ZC3H7A: variants seen among roughly 807,000 people sequenced by gnomAD.
The protein encoded by ZC3H7A is zinc finger CCCH domain-containing protein 7A.
Under a neutral mutation model 125.5 loss-of-function variants are expected in ZC3H7A, and 44 were observed. The observed-to-expected ratio is 0.35, with a 90% CI of 0.28 to 0.45. The LOEUF (loss-of-function observed/expected upper bound fraction) is 0.45, where lower values mean the gene tolerates loss of function less well. Ranked by LOEUF, ZC3H7A falls within the 20% of genes least tolerant of loss-of-function variation. ZC3H7A has a pLI of 1.00. For missense variants in ZC3H7A, 977 were observed against 1,170.7 expected, an observed-to-expected ratio of 0.83 and a Z score of 2.41; for synonymous variants, 399 against 391.2, an observed-to-expected ratio of 1.02 and a Z score of -0.23.
intron 1 of ZC3H7A, among the ~76,000 whole-genome samples, chr16:11,785,507 A>G (rs955794195): frequency 5.9e-5 from 9 of 152,096 alleles, no homozygotes; most frequent in African/African-American, 2.2e-4. Flanking sequence ...CCCTGTCTCA[A>G]AAATAATATT....
intron 19 of ZC3H7A, 46 bp from the exon 20 acceptor site, chr16:11,758,585 A>G: frequency 2.2e-6 from 3 of 1,374,098 alleles, no homozygotes; most frequent in Non-Finnish European, 3.1e-6. Context: ...TACACCTAGT[A>G]AAACGGCCTA....
chr16:11,775,372 GAAAAAAA>G (rs749691344), intron 7 of ZC3H7A, among the ~76,000 whole-genome samples: 2 of 127,004 alleles, frequency 1.6e-5, no homozygotes, highest in Non-Finnish European at 3.4e-5. Context: ...CTCTGTCTTG[GAAAAAAA>G]AAAAAAAGAA....
chr16:11,751,153 T>A lies in ZC3H7A; in HGVS notation c.*164A>T, dbSNP rs190582191. 7.4e-6 allele frequency: 5 copies of A among 675,614 alleles called. No homozygotes were observed. The highest frequency in any genetic ancestry group is 9.5e-6 in the Non-Finnish European group (4 of 420,020). 41.9% of individuals were successfully genotyped at this position (675,614 alleles called of 1,614,324 possible). A position where few individuals can be genotyped will look rare whatever the true frequency, so the allele number is the denominator to read the frequency against. ...GGTTCCGTGAGAGCGTGGCCAGGCC[T>A]GTGAAACAGCCCATTTTCCTACCTA... On this transcript the variant is annotated 3_prime_UTR_variant, in exon 23 of 23. Transcript: ENST00000355758.
intron 20 of ZC3H7A, among the ~76,000 whole-genome samples, chr16:11,757,483 CAAAAAAA>C (rs61471026): frequency 3.2e-4 from 13 of 40,972 alleles, no homozygotes; most frequent in African/African-American, 6.8e-4. Context: ...GACTCTGTCT[CAAAAAAA>C]AAAAAAAAAA....
intron 19 of ZC3H7A, 119 bp downstream of exon 19, chr16:11,761,287 T>C: frequency 1.1e-6 from 1 of 935,862 alleles, no homozygotes; most frequent in Non-Finnish European, 1.6e-6. Flanking sequence ...ACCATTTAAA[T>C]AGCATTATTA....
At chr16:11,769,992 G>A (rs192169133) in intron 10 of ZC3H7A, among the ~76,000 whole-genome samples, 1 of 151,394 alleles carries the variant, frequency 6.6e-6, no homozygotes, top group Admixed American at 6.6e-5. Context: ...TCACCATGTT[G>A]CCCAGGCTGG....
At position 11,765,412 on chromosome 16, in the gene ZC3H7A, T is replaced by C; in HGVS notation, c.1719+77A>G. ...ATTTATTCATTTACCAAGTGAATGT[T>C]TTATCACATGGCAGGACAATACCAC... On this transcript the variant is annotated intron_variant, in intron 14 of 22. Coordinates refer to ENST00000355758, the MANE Select transcript of ZC3H7A (RefSeq NM_014153.4). The surrounding 1 kb of genome is among the most constrained non-coding windows in gnomAD (Gnocchi z 4.8). 9.7e-7 allele frequency: 1 copy of C among 1,034,926 alleles called. No homozygotes were observed. The highest frequency in any genetic ancestry group is 1.4e-6 in the Non-Finnish European group (1 of 732,548). The allele number at this position is 1,034,926 out of a possible 1,614,324, so 64.1% of individuals were successfully genotyped here. A position where few individuals can be genotyped will look rare whatever the true frequency, so the allele number is the denominator to read the frequency against.
At position 11,752,782 on chromosome 16, in the gene ZC3H7A, C is replaced by T. The variant is rs1330110263; in HGVS notation, c.2613G>A (p.Gln871=). 6.2e-7 allele frequency: 1 copy of T among 1,613,902 alleles called. No individual in the cohort carries two copies. Among genetic ancestry groups the T allele is most frequent in the South Asian group, 1.1e-5 (1 of 91,086 alleles). ...MCGKNCNSEK[Q]WQGHISSEKH... is the part of the protein sequence containing the mutation. ...TCTCGGAGGAGATGTGGCCCTGCCA[C>T]TGCTTCTCACTGTTGCAGTTTTTCC... Residue 871 remains glutamine (Q), a synonymous_variant, in exon 22 of 23, where the codon CAG becomes CAA. Coordinates refer to ENST00000355758, the MANE Select transcript of ZC3H7A (RefSeq NM_014153.4).
intron 1 of ZC3H7A, among the ~76,000 whole-genome samples, chr16:11,789,097 C>T (rs1056621711): frequency 1.3e-5 from 2 of 152,072 alleles, no homozygotes; most frequent in Non-Finnish European, 2.9e-5. Context: ...CAGTATTATA[C>T]TAATGTCAAT....
intron 10 of ZC3H7A, among the ~76,000 whole-genome samples, chr16:11,769,397 A>T (rs1243623939): frequency 6.6e-6 from 1 of 152,168 alleles, no homozygotes; most frequent in African/African-American, 2.4e-5. Flanking sequence ...CAAAAATGGG[A>T]AAAGAGCCTT....
rs1281407203 is a variant in ZC3H7A, at chr16:11,750,617, C to T, written c.*700G>A. 1 of 152,518 alleles carries T rather than the reference C, an allele frequency of 6.6e-6. No individual in the cohort carries two copies. The highest frequency in any genetic ancestry group is 2.4e-5 in the African/African-American group (1 of 41,448). The allele number at this position is 152,518 out of a possible 1,614,324, so 9.4% of individuals were successfully genotyped here. A position where few individuals can be genotyped will look rare whatever the true frequency, so the allele number is the denominator to read the frequency against. ...GCATCTATATATAAAATCTTTATTA[C>T]AGGCAGTATTGGTCCATACACTAAC... On this transcript the variant is annotated 3_prime_UTR_variant, in exon 23 of 23. Transcript: ENST00000355758.
chr16:11,796,811 A>G (rs1355434822), intron 1 of ZC3H7A: 1 of 152,010 alleles, frequency 6.6e-6, no homozygotes, highest in South Asian at 2.1e-4. Flanking sequence ...ACCAAAAAAA[A>G]AATTTTTTTT....
At chr16:11,757,251 G>A (rs1286983909) in intron 20 of ZC3H7A, among the ~76,000 whole-genome samples, 2 of 152,104 alleles carry the variant, frequency 1.3e-5, no homozygotes, top group African/African-American at 2.4e-5. Context: ...TTGGGAGGCT[G>A]AGGCGGGTGG....
At chr16:11,778,106 G>A (rs1399257328) in intron 4 of ZC3H7A, among the ~76,000 whole-genome samples, 1 of 151,324 alleles carries the variant, frequency 6.6e-6, no homozygotes, top group Middle Eastern at 3.2e-3. Context: ...AAAATCTAGT[G>A]TGAATTCCTT....
Position 11,791,148 on chromosome 16 carries a change from C to G in ZC3H7A, c.-35+5976G>C, listed in dbSNP as rs1339223872. Among the ~76,000 whole-genome samples the G allele has an allele frequency of 2.0e-5, 3 of 151,394 alleles. No homozygotes were observed. The East Asian group carries it at 5.8e-4, about 29-fold the overall frequency. ...ACACACACATCCCAATGCTTGCACT[C>G]TGCTTAAGACCCTTCAGCAGTTGCT... On this transcript the variant is annotated intron_variant, in intron 1 of 22. Coordinates refer to ENST00000355758, the MANE Select transcript of ZC3H7A (RefSeq NM_014153.4).
chr16:11,751,507 C>G lies in ZC3H7A; in HGVS notation c.2727-1G>C. The G allele has an allele frequency of 1.2e-6, 2 of 1,611,068 alleles. No homozygotes were observed. The highest frequency in any genetic ancestry group is 1.7e-6 in the Non-Finnish European group (2 of 1,179,018). ...TTCTGGGCAGGTGCCATTCATATACCTGTAAGGAGAAGTCAGCTGCTCAGT... is the reference window on the plus strand; with the variant it reads ...TTCTGGGCAGGTGCCATTCATATACGTGTAAGGAGAAGTCAGCTGCTCAGT... On this transcript the variant is annotated splice_acceptor_variant, in intron 22 of 22. Transcript: ENST00000355758. LOFTEE classifies it high-confidence loss of function.
At chr16:11,761,887 T>C in intron 18 of ZC3H7A, 23 bp downstream of exon 18, 2 of 1,605,032 alleles carry the variant, frequency 1.2e-6, no homozygotes, top group Non-Finnish European at 1.7e-6. Context: ...AAAATAGGAA[T>C]TGTTTCCACA....
At chr16:11,785,646 A>T (rs2141214473) in intron 1 of ZC3H7A, among the ~76,000 whole-genome samples, 1 of 151,272 alleles carries the variant, frequency 6.6e-6, no homozygotes, top group African/African-American at 2.4e-5. Flanking sequence ...TTTGAGACAG[A>T]GTCTCACTTG....
chr16:11,764,780 G>A lies in ZC3H7A; in HGVS notation c.1820+273C>T, dbSNP rs191558747. ...TGCAATTGTTGAATTAATTGGGGGGGGTACTTATATTTTAAGCCATAAAAT... is the reference window on the plus strand; with the variant it reads ...TGCAATTGTTGAATTAATTGGGGGGAGTACTTATATTTTAAGCCATAAAAT... On this transcript the variant is annotated intron_variant, in intron 15 of 22. Transcript: ENST00000355758. Among the ~76,000 whole-genome samples the A allele has an allele frequency of 1.6e-4, 25 of 151,876 alleles. No homozygotes were observed. The East Asian group carries it at 4.4e-3, about 27-fold the overall frequency.
Sources: gnomAD v4.1 joint callset for allele counts (sites outside exome capture counted in the v4.1 genomes callset) on GRCh38, gnomAD v4.1.1 for gene constraint, Gnocchi (gnomAD v3.1) non-coding constraint, MANE v1.5 for transcripts, NCBI Gene and HGNC (gene_info 2026-07-23, HGNC 2026-07-21) for gene names.